EPB41L4A: variants seen among roughly 807,000 people sequenced by gnomAD.
The protein encoded by EPB41L4A is band 4.1-like protein 4A.
In EPB41L4A, 100 loss-of-function variants were observed where a neutral mutation model predicts 108.6. That is an observed-to-expected ratio of 0.92 (90% CI 0.78 to 1.09). The LOEUF is 1.09. Among genes scored for constraint, EPB41L4A ranks in the 50% least tolerant of loss-of-function variants. EPB41L4A has a pLI of 0.00. For missense variants in EPB41L4A, 1,030 were observed against 842.7 expected (o/e 1.22, Z -2.75); for synonymous variants, 319 against 289.0 (o/e 1.10, Z -1.05).
intron 1 of EPB41L4A, among the ~76,000 whole-genome samples, chr5:112,313,994 G>A (rs1755237224): frequency 6.7e-6 from 1 of 150,312 alleles, no homozygotes; most frequent in African/African-American, 2.5e-5. Context: ...CTCCGAAGTA[G>A]CTGGGACTAC....
chr5:112,150,866 G>A (rs966588718), intron 12 of EPB41L4A, among the ~76,000 whole-genome samples: 3 of 152,186 alleles, frequency 2.0e-5, no homozygotes, highest in Admixed American at 6.5e-5. Flanking sequence ...AAAAATGAGA[G>A]TGAAACAAAG....
chr5:112,255,733 C>A (rs1010277839), intron 9 of EPB41L4A, among the ~76,000 whole-genome samples: 3 of 152,102 alleles, frequency 2.0e-5, no homozygotes, highest in Admixed American at 2.0e-4. Context: ...TAGCAGATGC[C>A]AATTTTATAT....
chr5:112,368,095 T>C (rs920238645), intron 1 of EPB41L4A, among the ~76,000 whole-genome samples: 1 of 152,214 alleles, frequency 6.6e-6, no homozygotes. Context: ...TACAAAATAA[T>C]CGAAATGCAG....
chr5:112,145,977 T>TAGGTCTGG, exon 13 of EPB41L4A: 1 of 456,738 alleles, frequency 2.2e-6, no homozygotes, highest in South Asian at 1.5e-5. Context: ...CTGCCCTTTC[T>TAGGTCTGG]AGGTCTGGAG....
intron 12 of EPB41L4A, among the ~76,000 whole-genome samples, chr5:112,157,142 C>T (rs1280097151): frequency 2.2e-5 from 3 of 137,370 alleles, no homozygotes; most frequent in African/African-American, 8.0e-5. Flanking sequence ...TACATCCATG[C>T]AAAAAGAAAA....
intron 1 of EPB41L4A, among the ~76,000 whole-genome samples, chr5:112,384,110 G>A (rs1011974321): frequency 6.6e-6 from 1 of 152,156 alleles, no homozygotes; most frequent in Non-Finnish European, 1.5e-5. Flanking sequence ...TGGGGAGGAT[G>A]GGGGTGATAG....
rs553629449 is a variant in EPB41L4A, at chr5:112,278,040, C to T, written c.256+2232G>A. ...TTTGATAAGGAGTTTCTCATTAACT[C>T]AAGGAGAAATAAATCAAGATTAACT... On this transcript the variant is annotated intron_variant, in intron 3 of 22. Transcript: ENST00000261486. 3.0e-4 allele frequency among the ~76,000 whole-genome samples: 46 copies of T among 152,156 alleles called. 1 individual carries two copies. The South Asian group carries it at 9.1e-3, about 30-fold the overall frequency.
chr5:112,209,833 A>T, intron 13 of EPB41L4A, 59 bp downstream of exon 13: 1 of 1,092,684 alleles, frequency 9.2e-7, no homozygotes, highest in South Asian at 1.4e-5. Context: ...TTGTCTACAG[A>T]AAAAAAGCAT....
intron 1 of EPB41L4A, among the ~76,000 whole-genome samples, chr5:112,359,167 T>C (rs896963824): frequency 2.6e-5 from 4 of 152,234 alleles, no homozygotes; most frequent in African/African-American, 4.8e-5. Context: ...AAGATTTGTA[T>C]ACTTTATATT....
chr5:112,196,489 TTTC>T (rs1329377669), intron 15 of EPB41L4A, among the ~76,000 whole-genome samples: 9 of 152,228 alleles, frequency 5.9e-5, no homozygotes, highest in African/African-American at 2.2e-4. Context: ...CATTCTTCCT[TTTC>T]TTTGACCCCA....
At chr5:112,386,443 G>GA (rs1174582226) in intron 1 of EPB41L4A, among the ~76,000 whole-genome samples, 4 of 151,998 alleles carry the variant, frequency 2.6e-5, no homozygotes, top group African/African-American at 7.2e-5. Context: ...TTTTAAGAAA[G>GA]AAAAAAATAA....
chr5:112,149,675 C>T (rs12658222), intron 12 of EPB41L4A, among the ~76,000 whole-genome samples: 30,582 of 152,032 alleles, frequency 0.2, 3,868 homozygotes, highest in East Asian at 0.42. Flanking sequence ...AGTAGAGCTA[C>T]GCAGAGAAAT....
intron 12 of EPB41L4A, among the ~76,000 whole-genome samples, chr5:112,224,304 G>A (rs1748298872): frequency 6.6e-6 from 1 of 151,972 alleles, no homozygotes; most frequent in Non-Finnish European, 1.5e-5. Context: ...AAAGTACTGT[G>A]TATTTCCAAT....
chr5:112,419,167 GCGGGGTCC>G lies in EPB41L4A; in HGVS notation c.-136_-129del, dbSNP rs1762914544. On this transcript the variant is annotated 5_prime_UTR_variant, in exon 1 of 23. Transcript: ENST00000261486. Reference sequence around the variant, plus strand: ...GCGAGGGTGAGACGAGCAGCTCCCGGCGGGGTCCGGGGACCGGCCGCCGAACCGCCCGG... The same window carrying G: ...GCGAGGGTGAGACGAGCAGCTCCCGGGGGGACCGGCCGCCGAACCGCCCGG... 1.5e-6 allele frequency: 1 copy of G among 670,510 alleles called. No homozygotes were observed. Among genetic ancestry groups the G allele is most frequent in the African/African-American group, 1.9e-5 (1 of 53,008 alleles). The allele number at this position is 670,510 out of a possible 1,614,324, so 41.5% of individuals were successfully genotyped here. A position where few individuals can be genotyped will look rare whatever the true frequency, so the allele number is the denominator to read the frequency against.
At chr5:112,355,376 C>A (rs1758300484) in intron 1 of EPB41L4A, among the ~76,000 whole-genome samples, 1 of 152,166 alleles carries the variant, frequency 6.6e-6, no homozygotes, top group Admixed American at 6.5e-5. Flanking sequence ...TATGAAATTT[C>A]TTCACAGACT....
intron 12 of EPB41L4A, among the ~76,000 whole-genome samples, chr5:112,231,117 T>C (rs1419469226): frequency 2.0e-5 from 3 of 152,226 alleles, no homozygotes; most frequent in Non-Finnish European, 2.9e-5. Flanking sequence ...TTTAGAGCTA[T>C]TTATGGTTTT....
exon 14 of EPB41L4A, chr5:112,143,724 T>G (rs1232264689): frequency 9.7e-6 from 3 of 310,218 alleles, no homozygotes; most frequent in Non-Finnish European, 2.0e-5. Context: ...CCCTATTGAC[T>G]CCAATATAGA....
chr5:112,218,203 G>C (rs1218420546), intron 12 of EPB41L4A, among the ~76,000 whole-genome samples: 4 of 151,976 alleles, frequency 2.6e-5, no homozygotes, highest in Non-Finnish European at 5.9e-5. Context: ...AGTAGGATGA[G>C]AGACTTCTAT....
At chr5:112,291,034 A>T (rs1329598499) in intron 2 of EPB41L4A, among the ~76,000 whole-genome samples, 3 of 152,212 alleles carry the variant, frequency 2.0e-5, no homozygotes, top group Non-Finnish European at 4.4e-5. Flanking sequence ...ATGTGACTCC[A>T]GCCTACTCCC....
Sources: allele counts gnomAD v4.1 joint callset (sites outside exome capture counted in the v4.1 genomes callset), GRCh38; gene constraint gnomAD v4.1.1; transcripts MANE v1.5; gene names NCBI Gene and HGNC (gene_info 2026-07-23, HGNC 2026-07-21).